The following SLC22A23 variants were observed in gnomAD, a reference collection of about 807,000 sequenced individuals.
SLC22A23 encodes solute carrier family 22 member 23.
Under a neutral mutation model 61.0 loss-of-function variants are expected in SLC22A23, and 26 were observed. The ratio of observed to expected loss-of-function variants is 0.43; its 90% CI spans 0.31 to 0.59. The LOEUF (loss-of-function observed/expected upper bound fraction) is 0.59. Among genes scored for constraint, SLC22A23 ranks in the 20% least tolerant of loss-of-function variants. The pLI is 0.11. For synonymous variants in SLC22A23, 430 were observed against 413.9 expected (o/e 1.04, Z -0.47); for missense variants, 796 against 934.7 (o/e 0.85, Z 1.94).
chr6:3,273,512 T>TGCTGCCCTGGGC (rs1758623503), intron 9 of SLC22A23, 100 bp from the exon 10 acceptor site: 1 of 1,330,876 alleles, frequency 7.5e-7, no homozygotes, highest in Non-Finnish European at 1.0e-6. Flanking sequence ...GCAGGGGCCC[T>TGCTGCCCTGGGC]GCTGCCCTGG....
intron 3 of SLC22A23, among the ~76,000 whole-genome samples, chr6:3,364,696 A>C (rs1765690244): frequency 6.6e-6 from 1 of 152,232 alleles, no homozygotes; most frequent in Non-Finnish European, 1.5e-5. Context: ...TGAGGCAGCC[A>C]CACAGGAGCA....
rs571100458 is a variant in SLC22A23, at chr6:3,372,944, T to C, written c.913+37244A>G. Among the ~76,000 whole-genome samples the C allele has an allele frequency of 6.6e-6, 1 of 152,346 alleles. No individual in the cohort carries two copies. Among genetic ancestry groups the C allele is most frequent in the East Asian group, 1.9e-4 (1 of 5,192 alleles). ...CAGTCCGTGCCTTCAGCCTATGTTA[T>C]CATGCAGGAAAGAATTAACCCATGA... On this transcript the variant is annotated intron_variant, in intron 3 of 9. Coordinates refer to ENST00000406686, the MANE Select transcript of SLC22A23 (RefSeq NM_015482.2). This position sits in a 1 kb window ranked among gnomAD's most constrained non-coding sequence, Gnocchi z 4.7.
At chr6:3,373,644 AAAG>A (rs756355631) in intron 3 of SLC22A23, among the ~76,000 whole-genome samples, 7 of 152,192 alleles carry the variant, frequency 4.6e-5, no homozygotes, top group East Asian at 1.9e-4. Flanking sequence ...GAAAAAAAAG[AAAG>A]AAGAAGAAGA....
At chr6:3,424,405 C>T (rs922983665) in intron 1 of SLC22A23, among the ~76,000 whole-genome samples, 2 of 152,234 alleles carry the variant, frequency 1.3e-5, no homozygotes, top group Non-Finnish European at 2.9e-5. Context: ...ATTTTCTGTA[C>T]TGCACGCATT....
At chr6:3,433,419 C>G (rs1272910454) in intron 1 of SLC22A23, among the ~76,000 whole-genome samples, 1 of 152,152 alleles carries the variant, frequency 6.6e-6, no homozygotes, top group Non-Finnish European at 1.5e-5. Flanking sequence ...AATGGTAACC[C>G]CCTCCCCACA....
At position 3,385,815 on chromosome 6, in the gene SLC22A23, C is replaced by T. The variant is rs192404402; in HGVS notation, c.913+24373G>A. On this transcript the variant is annotated intron_variant, in intron 3 of 9. Transcript: ENST00000406686. ...CATATGAAAAACAAAAACTCCCTGT[C>T]CTCAAAACAAACAACATTCCTCAGA... 3.0e-3 allele frequency among the ~76,000 whole-genome samples: 456 copies of T among 152,324 alleles called. 3 individuals carry two copies. The highest frequency in any genetic ancestry group is 9.9e-3 in the African/African-American group (413 of 41,578).
intron 4 of SLC22A23, among the ~76,000 whole-genome samples, chr6:3,302,365 C>G (rs1315787813): frequency 6.6e-6 from 1 of 151,982 alleles, no homozygotes; most frequent in Non-Finnish European, 1.5e-5. Context: ...TTTTTAAAAT[C>G]TTTTCAAAAA....
At chr6:3,418,841 G>A (rs1364594011) in intron 1 of SLC22A23, among the ~76,000 whole-genome samples, 2 of 152,224 alleles carry the variant, frequency 1.3e-5, no homozygotes, top group African/African-American at 2.4e-5. Context: ...TGGAGGCACC[G>A]CCGTTTAGCA....
At position 3,318,563 on chromosome 6, in the gene SLC22A23, G is replaced by A. The variant is rs1050725334; in HGVS notation, c.1082+5271C>T. 2.0e-5 allele frequency among the ~76,000 whole-genome samples: 3 copies of A among 152,104 alleles called. No individual in the cohort carries two copies. The highest frequency in any genetic ancestry group is 6.5e-5 in the Admixed American group (1 of 15,276). On this transcript the variant is annotated intron_variant, in intron 4 of 9. Transcript: ENST00000406686. This position sits in a 1 kb window ranked among gnomAD's most constrained non-coding sequence, Gnocchi z 4.3. Reference sequence around the variant, plus strand: ...GTTTTTGCCTCCCTGTGTGCCTCCTGGCCCACCCCAGTGCTTCCCAGGAGG... The same window carrying A: ...GTTTTTGCCTCCCTGTGTGCCTCCTAGCCCACCCCAGTGCTTCCCAGGAGG...
chr6:3,379,749 T>C (rs1766834660), intron 3 of SLC22A23, among the ~76,000 whole-genome samples: 2 of 152,236 alleles, frequency 1.3e-5, no homozygotes, highest in South Asian at 2.1e-4. Context: ...TAGAAACTTA[T>C]GCAATTCAAA....
At chr6:3,424,705 C>T (rs533917515) in intron 1 of SLC22A23, among the ~76,000 whole-genome samples, 1 of 152,320 alleles carries the variant, frequency 6.6e-6, no homozygotes, top group East Asian at 1.9e-4. Flanking sequence ...CCAAACACAG[C>T]CCTGCTGTCT....
chr6:3,449,517 G>A (rs1772068180), intron 1 of SLC22A23, among the ~76,000 whole-genome samples: 1 of 152,102 alleles, frequency 6.6e-6, no homozygotes, highest in Non-Finnish European at 1.5e-5. Flanking sequence ...AGGAAATGAA[G>A]AGACTGTTCA....
At position 3,308,308 on chromosome 6, in the gene SLC22A23, C is replaced by G; in HGVS notation, c.1083-10090G>C. On this transcript the variant is annotated intron_variant, in intron 4 of 9. Coordinates refer to ENST00000406686, the MANE Select transcript of SLC22A23 (RefSeq NM_015482.2). The surrounding 1 kb of genome is among the most constrained non-coding windows in gnomAD (Gnocchi z 5.1). Reference sequence around the variant, plus strand: ...CCCGTCCTCCAGGGCTAAGCCCTCCCTGGGTGGGCACATGTCCTTCCAAAT... The same window carrying G: ...CCCGTCCTCCAGGGCTAAGCCCTCCGTGGGTGGGCACATGTCCTTCCAAAT... Among the ~76,000 whole-genome samples, 1 of 152,326 alleles carries G rather than the reference C, an allele frequency of 6.6e-6. No homozygotes were observed. Among genetic ancestry groups the G allele is most frequent in the East Asian group, 1.9e-4 (1 of 5,186 alleles).
At chr6:3,380,812 G>A (rs963250591) in intron 3 of SLC22A23, among the ~76,000 whole-genome samples, 1 of 152,062 alleles carries the variant, frequency 6.6e-6, no homozygotes, top group African/African-American at 2.4e-5. Context: ...GGGCTGGTGG[G>A]TCTCTGCTTG....
In SLC22A23 at chr6:3,329,160, C is replaced by T. The variant is rs13194830; in HGVS notation, c.914-5158G>A. ...GGCCAAAGTTTTAACATTCTCCCCCCACCTCCCTCATCCCCCACAAACACA... is the reference window on the plus strand; with the variant it reads ...GGCCAAAGTTTTAACATTCTCCCCCTACCTCCCTCATCCCCCACAAACACA... On this transcript the variant is annotated intron_variant, in intron 3 of 9. Transcript: ENST00000406686. The surrounding 1 kb of genome is among the most constrained non-coding windows in gnomAD (Gnocchi z 4.8). 6.6e-6 allele frequency among the ~76,000 whole-genome samples: 1 copy of T among 152,092 alleles called. No homozygotes were observed. The highest frequency in any genetic ancestry group is 2.4e-5 in the African/African-American group (1 of 41,366).
intron 4 of SLC22A23, among the ~76,000 whole-genome samples, chr6:3,301,183 A>C (rs144324037): frequency 4.6e-5 from 7 of 152,224 alleles, no homozygotes; most frequent in Middle Eastern, 6.8e-3. Context: ...GCCACCCCCC[A>C]TAGTTTAAGT....
chr6:3,331,584 G>C (rs1763585187), intron 3 of SLC22A23, among the ~76,000 whole-genome samples: 1 of 152,100 alleles, frequency 6.6e-6, no homozygotes, highest in African/African-American at 2.4e-5. Context: ...CCAAACATGA[G>C]CCACAGAGTT....
chr6:3,382,032 G>A (rs1766985661), intron 3 of SLC22A23, among the ~76,000 whole-genome samples: 1 of 152,306 alleles, frequency 6.6e-6, no homozygotes, highest in African/African-American at 2.4e-5. Flanking sequence ...TAACATAAGG[G>A]GAATAACTCA....
chr6:3,402,162 C>T (rs1768436170), intron 3 of SLC22A23, among the ~76,000 whole-genome samples: 1 of 152,226 alleles, frequency 6.6e-6, no homozygotes. Flanking sequence ...TGCCCCATGG[C>T]CATGGCCCTC....
Sources: gnomAD v4.1 joint callset for allele counts (sites outside exome capture counted in the v4.1 genomes callset) on GRCh38, gnomAD v4.1.1 for gene constraint, Gnocchi (gnomAD v3.1) non-coding constraint, MANE v1.5 for transcripts, NCBI Gene and HGNC (gene_info 2026-07-23, HGNC 2026-07-21) for gene names.